Variants in OFD1 observed in about 807,000 individuals in gnomAD.
OFD1 encodes centriole and centriolar satellite protein OFD1.
Under a neutral mutation model 81.4 loss-of-function variants are expected in OFD1, and 12 were observed. That is an observed-to-expected ratio of 0.15 (90% CI 0.09 to 0.24). The LOEUF (loss-of-function observed/expected upper bound fraction) is 0.24, where lower values mean the gene tolerates loss of function less well. Among genes scored for constraint, OFD1 ranks in the 10% least tolerant of loss-of-function variants. The pLI is 1.00. For synonymous variants in OFD1, 256 were observed against 263.7 expected (o/e 0.97, Z 0.28); for missense variants, 685 against 733.9 (o/e 0.93, Z 0.77).
At chrX:13,726,669 C>G in the OFD1 span, among the ~76,000 whole-genome samples, 1 of 111,877 alleles carries the variant, frequency 8.9e-6, no homozygotes, top group East Asian at 2.8e-4. Context: ...TTGTAAAAGA[C>G]CATTGATGCT....
In OFD1 at chrX:13,734,802, C is replaced by T. The variant is rs1260228806; in HGVS notation, c.-270C>T. The T allele has an allele frequency of 6.5e-6, 7 of 1,073,420 alleles. No individual in the cohort carries two copies. The highest frequency in any genetic ancestry group is 7.2e-6 in the Non-Finnish European group (6 of 834,785). The allele number at this position is 1,073,420 out of a possible 1,213,427, so 88.5% of individuals were successfully genotyped here. A position where few individuals can be genotyped will look rare whatever the true frequency, so the allele number is the denominator to read the frequency against. Reference sequence around the variant, plus strand: ...CCTTCAGTCCCTAGTGTCTGGGTCCCCGCCCTCCAGCCGCCTTTGAGTCGT... The same window carrying T: ...CCTTCAGTCCCTAGTGTCTGGGTCCTCGCCCTCCAGCCGCCTTTGAGTCGT... On this transcript the variant is annotated 5_prime_UTR_variant, in exon 1 of 23. Transcript: ENST00000340096.
At chrX:13,748,078 G>T (rs1276699138) in intron 8 of OFD1, among the ~76,000 whole-genome samples, 1 of 112,083 alleles carries the variant, frequency 8.9e-6, no homozygotes, top group East Asian at 2.8e-4. Flanking sequence ...TTCTCAATAA[G>T]ACCTAGTTGT....
At chrX:13,761,063 C>T in intron 16 of OFD1, 22 bp from the exon 17 acceptor site, 1 of 1,210,603 alleles carries the variant, frequency 8.3e-7, no homozygotes, top group Non-Finnish European at 1.1e-6. Context: ...ATATTCTTGC[C>T]TTGGTTCTTT....
At chrX:13,715,786 C>T in the OFD1 span, 2 of 918,534 alleles carry the variant, frequency 2.2e-6, no homozygotes, top group Non-Finnish European at 2.7e-6. Flanking sequence ...CCTTCACAAT[C>T]ATCTAAAGGT....
Position 13,735,347 on chromosome X carries a change from G to T in OFD1, c.111+1G>T. The T allele has an allele frequency of 8.4e-7, 1 of 1,191,064 alleles. No homozygotes were observed. The highest frequency in any genetic ancestry group is 1.1e-6 in the Non-Finnish European group (1 of 876,250). The stretch of plus-strand genomic sequence containing the variant: ...TCGGGGTATACTGGATACACTCAAG[G>T]TATCGGATTTAGGCGTATCTGTGTC... On this transcript the variant is annotated splice_donor_variant, in intron 2 of 22. Transcript: ENST00000340096. LOFTEE classifies it high-confidence loss of function.
intron 8 of OFD1, among the ~76,000 whole-genome samples, chrX:13,748,074 A>ATGC (rs2146975500): frequency 8.9e-6 from 1 of 112,220 alleles, no homozygotes; most frequent in Non-Finnish European, 1.9e-5. Flanking sequence ...GGGCTTCTCA[A>ATGC]TAAGACCTAG....
upstream of OFD1, chrX:13,734,686 T>C (rs192698919): frequency 1.1e-3 from 1,040 of 949,699 alleles, 16 homozygotes; most frequent in Admixed American, 0.044. Flanking sequence ...GCAACCAAGC[T>C]CATGCGCCGT....
intron 14 of OFD1, 47 bp downstream of exon 14, chrX:13,757,837 A>G: frequency 8.5e-7 from 1 of 1,182,996 alleles, no homozygotes; most frequent in East Asian, 3.0e-5. Flanking sequence ...AGTACACTTC[A>G]TAGTTACGTA....
At chrX:13,762,794 C>G (rs2047985860) in intron 18 of OFD1, among the ~76,000 whole-genome samples, 1 of 111,877 alleles carries the variant, frequency 8.9e-6, no homozygotes, top group Non-Finnish European at 1.9e-5. Context: ...GAGTCTCTCT[C>G]TGTTGCCCAG....
At chrX:13,761,881 A>T in intron 17 of OFD1, among the ~76,000 whole-genome samples, 1 of 99,760 alleles carries the variant, frequency 1.0e-5, no homozygotes, top group South Asian at 5.0e-4. Flanking sequence ...TCTCTGCCAC[A>T]TGGGCCTGTC....
rs1211659781 is a variant in OFD1 at position 13,736,666 on chromosome X, G to A, written c.300G>A (p.Leu100=). ...SLSVFFPESG[L]AKEKVFTMQD... Reference sequence around the variant, plus strand: ...CTGTTTTCTTTCCAGAAAGTGGTTTGGCAAAAGAAAAGGTAAAGTCTTTCC... The same window carrying A: ...CTGTTTTCTTTCCAGAAAGTGGTTTAGCAAAAGAAAAGGTAAAGTCTTTCC... Residue 100 remains leucine (L), a synonymous_variant, in exon 3 of 23, where the codon TTG becomes TTA. Transcript: ENST00000340096. 8.3e-7 allele frequency: 1 copy of A among 1,202,152 alleles called. No homozygotes were observed. Among genetic ancestry groups the A allele is most frequent in the Admixed American group, 2.2e-5 (1 of 45,970 alleles).
chrX:13,751,352 A>G lies in OFD1; in HGVS notation c.1039A>G (p.Lys347Glu). 1 of 1,199,516 alleles carries G rather than the reference A, an allele frequency of 8.3e-7. No individual in the cohort carries two copies. Among genetic ancestry groups the G allele is most frequent in the Non-Finnish European group, 1.1e-6 (1 of 885,180 alleles). Reference sequence around the variant, plus strand: ...TGAGGAGACCTATGACCGAAAGCTCAAGAATGAACTTCTAAAGTAATTGTT... The same window carrying G: ...TGAGGAGACCTATGACCGAAAGCTCGAGAATGAACTTCTAAAGTAATTGTT... ...SFEETYDRKL[K>E]NELLKYQLEL... The change falls in exon 10 of 23, where the codon AAG (lysine) becomes GAG (glutamate). Residue 347 changes from lysine (K) to glutamate (E), a missense_variant. Lys to Glu is a moderately conservative substitution (Grantham distance 56). Around this residue, in one of 3 missense-constraint regions of OFD1, gnomAD observed 414 missense variants for 447.2 expected, o/e 0.93. Coordinates refer to ENST00000340096, the MANE Select transcript of OFD1 (RefSeq NM_003611.3).
rs1161161896 is a variant in OFD1, at chrX:13,746,357, G to A, written c.556G>A (p.Ala186Thr). 1.7e-6 allele frequency: 2 copies of A among 1,204,750 alleles called. No homozygotes were observed. The highest frequency in any genetic ancestry group is 2.2e-6 in the Non-Finnish European group (2 of 890,073). The change falls in exon 7 of 23, where the codon GCT becomes ACT. Residue 186 changes from alanine to threonine, a missense_variant. Ala to Thr is a moderately conservative substitution (Grantham distance 58). Around this residue, in one of 3 missense-constraint regions of OFD1, gnomAD observed 414 missense variants for 447.2 expected, o/e 0.93. Coordinates refer to ENST00000340096, the MANE Select transcript of OFD1 (RefSeq NM_003611.3). Reference protein sequence around the residue: ...LQLIDDQFADAYPQRIKFESL... With the variant: ...LQLIDDQFADTYPQRIKFESL... ...GCTTATTGATGATCAGTTTGCAGAT[G>A]CTTACCCTCAGCGTATCAAGTTCGA...
intron 5 of OFD1, among the ~76,000 whole-genome samples, chrX:13,741,161 C>A (rs1442601253): frequency 9.0e-6 from 1 of 111,119 alleles, no homozygotes; most frequent in African/African-American, 3.3e-5. Flanking sequence ...ATAGTTTTTA[C>A]ACAGTCTCTT....
chrX:13,772,931 G>A, downstream of OFD1: 1 of 1,209,628 alleles, frequency 8.3e-7, no homozygotes. Flanking sequence ...ATATCTTGCA[G>A]TTCCTGTTCT....
the OFD1 span, among the ~76,000 whole-genome samples, chrX:13,728,734 T>A: frequency 8.9e-6 from 1 of 111,880 alleles, no homozygotes; most frequent in Non-Finnish European, 1.9e-5. Context: ...CAACATAGTG[T>A]TGGAAGTTCT....
chrX:13,734,749 C>G lies in OFD1; in HGVS notation c.-323C>G, dbSNP rs1305327119. The G allele has an allele frequency of 9.7e-7, 1 of 1,032,872 alleles. No homozygotes were observed. Among genetic ancestry groups the G allele is most frequent in the Non-Finnish European group, 1.2e-6 (1 of 811,932 alleles). 85.1% of individuals were successfully genotyped at this position (1,032,872 alleles called of 1,213,427 possible). ...TAGCAGGTTTCCGGAAGTTGCCGGA[C>G]TGGCTGTGAGGCGGTCCTGCCTCGC... On this transcript the variant is annotated 5_prime_UTR_variant, in exon 1 of 23. Transcript: ENST00000340096.
At chrX:13,752,077 G>A (rs1021386717) in intron 10 of OFD1, among the ~76,000 whole-genome samples, 1 of 111,930 alleles carries the variant, frequency 8.9e-6, no homozygotes, top group Non-Finnish European at 1.9e-5. Flanking sequence ...TATACTAGTG[G>A]TCATAGTATT....
chrX:13,743,350 T>A (rs1290727903), intron 5 of OFD1, among the ~76,000 whole-genome samples: 1 of 112,847 alleles, frequency 8.9e-6, no homozygotes, highest in Non-Finnish European at 1.9e-5. Context: ...TAATTATTTT[T>A]AAATAATGTA....
Sources: allele counts gnomAD v4.1 joint callset (sites outside exome capture counted in the v4.1 genomes callset), GRCh38; gene constraint gnomAD v4.1.1; regional missense constraint gnomAD v4.1.1; transcripts MANE v1.5; gene names NCBI Gene and HGNC (gene_info 2026-07-23, HGNC 2026-07-21).